IFT140: variants seen among roughly 807,000 people sequenced by gnomAD.
IFT140 encodes intraflagellar transport protein 140 homolog.
In IFT140, 133 loss-of-function variants were observed where a neutral mutation model predicts 164.6. The ratio of observed to expected loss-of-function variants is 0.81; its 90% CI spans 0.70 to 0.93. The LOEUF (loss-of-function observed/expected upper bound fraction) is 0.93. IFT140 is among the 40% of genes least tolerant of loss of function. The pLI, the probability that IFT140 is intolerant of heterozygous loss-of-function variation, is 0.00. For missense variants in IFT140, 2,045 were observed against 1,972.3 expected, an observed-to-expected ratio of 1.04 and a Z score of -0.70; for synonymous variants, 860 against 817.3, an observed-to-expected ratio of 1.05 and a Z score of -0.89.
At chr16:1,608,497 G>A (rs936894178) in intron 2 of IFT140, among the ~76,000 whole-genome samples, 9 of 152,064 alleles carry the variant, frequency 5.9e-5, no homozygotes, top group Non-Finnish European at 1.5e-5. Context: ...TCCAGGTGTG[G>A]TGGCAGGCAC....
At chr16:1,528,401 GCA>G (rs970149837) in intron 19 of IFT140, among the ~76,000 whole-genome samples, 8 of 146,468 alleles carry the variant, frequency 5.5e-5, no homozygotes, top group East Asian at 4.1e-4. Flanking sequence ...ACACACGGAT[GCA>G]CACACATGGA....
intron 18 of IFT140, among the ~76,000 whole-genome samples, chr16:1,561,684 G>A (rs1415010960): frequency 1.3e-5 from 2 of 152,210 alleles, no homozygotes; most frequent in Non-Finnish European, 2.9e-5. Context: ...AGGCAAGGGG[G>A]AAGGGTGCAG....
At chr16:1,555,681 T>A (rs896488211) in intron 19 of IFT140, 1 of 152,442 alleles carries the variant, frequency 6.6e-6, no homozygotes, top group Non-Finnish European at 1.5e-5. Flanking sequence ...AAAGACCTTT[T>A]CAGAGACCCC....
At chr16:1,519,726 C>T (rs2040462370) in intron 29 of IFT140, among the ~76,000 whole-genome samples, 155 bp downstream of exon 29, 1 of 152,180 alleles carries the variant, frequency 6.6e-6, no homozygotes, top group Non-Finnish European at 1.5e-5. Flanking sequence ...TGAGGGCTCC[C>T]AGGAGGAGGT....
At chr16:1,585,905 A>G (rs1316506965) in intron 10 of IFT140, among the ~76,000 whole-genome samples, 7 of 151,290 alleles carry the variant, frequency 4.6e-5, no homozygotes, top group Non-Finnish European at 1.0e-4. Context: ...TGAGTAGCTG[A>G]GGCTACAGGC....
chr16:1,539,775 G>A (rs2031451085), intron 19 of IFT140, among the ~76,000 whole-genome samples: 1 of 152,210 alleles, frequency 6.6e-6, no homozygotes, highest in Non-Finnish European at 1.5e-5. Flanking sequence ...CCTGTCTGCG[G>A]GCAGGCAGCG....
Position 1,562,055 on chromosome 16 carries a change from C to T in IFT140, c.2129G>A (p.Ser710Asn). The T allele has an allele frequency of 1.2e-6, 2 of 1,612,110 alleles. No individual in the cohort carries two copies. Among genetic ancestry groups the T allele is most frequent in the Non-Finnish European group, 8.5e-7 (1 of 1,179,166 alleles). The change falls in exon 18 of 31, where the codon AGC becomes AAC. Residue 710 changes from serine to asparagine, a missense_variant. Physicochemically the swap from Ser to Asn is conservative, Grantham distance 46. Transcript: ENST00000426508. ...SEEHGFLLHE[S>N]FPRPATSHSL... ...GTGGGAGGTGGCAGGCCGGGGGAAG[C>T]TCTCATGAAGCAGGAAGCCGTGCTC...
intron 14 of IFT140, among the ~76,000 whole-genome samples, chr16:1,569,722 C>T (rs553409197): frequency 1.1e-4 from 16 of 151,516 alleles, no homozygotes; most frequent in African/African-American, 3.6e-4. Context: ...ACCTGAGTAA[C>T]TGGTACTATA....
rs539745621 is a variant in IFT140 at position 1,551,224 on chromosome 16, C to T, written c.2399+6711G>A. The stretch of plus-strand genomic sequence containing the variant: ...CAAGTTCTGGCCCCGGGGAGCCTGC[C>T]CTGTGGCGGGGGAGAGCGGCCAGAG... On this transcript the variant is annotated intron_variant, in intron 19 of 30. Transcript: ENST00000426508. This position sits in a 1 kb window ranked among gnomAD's most constrained non-coding sequence, Gnocchi z 4.0. Among the ~76,000 whole-genome samples the T allele has an allele frequency of 6.6e-6, 1 of 152,348 alleles. No individual in the cohort carries two copies. Among genetic ancestry groups the T allele is most frequent in the Non-Finnish European group, 1.5e-5 (1 of 68,038 alleles).
intron 2 of IFT140, among the ~76,000 whole-genome samples, chr16:1,607,590 C>A (rs953739550): frequency 1.3e-5 from 2 of 152,234 alleles, no homozygotes; most frequent in Admixed American, 6.5e-5. Flanking sequence ...TAACTACACA[C>A]GCAATCCTCA....
chr16:1,602,918 C>T (rs1459461545), intron 3 of IFT140, among the ~76,000 whole-genome samples: 1 of 152,108 alleles, frequency 6.6e-6, no homozygotes, highest in Non-Finnish European at 1.5e-5. Context: ...CCAGCCTGGG[C>T]GACAGAGCAA....
chr16:1,607,187 T>G lies in IFT140; in HGVS notation c.80A>C (p.His27Pro), dbSNP rs534472623. The change falls in exon 3 of 31, where the codon CAT becomes CCT. Residue 27 changes from histidine to proline, a missense_variant. Physicochemically the swap from His to Pro is moderately conservative, Grantham distance 77. Coordinates refer to ENST00000426508, the MANE Select transcript of IFT140 (RefSeq NM_014714.4). ...SPSFISWHPV[H>P]PFLAVAYIST... ...GATGTAAGCAACTGCCAAGAATGGA[T>G]GGACAGGGTGCCAGCTGATAAATGA... 1 of 1,614,120 alleles carries G rather than the reference T, an allele frequency of 6.2e-7. No individual in the cohort carries two copies. Among genetic ancestry groups the G allele is most frequent in the African/African-American group, 1.3e-5 (1 of 75,026 alleles).
At position 1,523,851 on chromosome 16, in the gene IFT140, T is replaced by C; in HGVS notation, c.3247A>G (p.Arg1083Gly). The C allele has an allele frequency of 1.9e-6, 3 of 1,613,364 alleles. No homozygotes were observed. The highest frequency in any genetic ancestry group is 1.7e-6 in the Non-Finnish European group (2 of 1,179,988). ...YYEEKGVQMD[R>G]AVMLYHKAGH... ...ACCTTGTGGTACAGCATGACCGCCC[T>C]GTCCATCTGCACGCCCTTCTCCTCG... The change falls in exon 25 of 31, where the codon AGG becomes GGG. Residue 1083 changes from arginine to glycine, a missense_variant. By Grantham distance (125) the Arg-to-Gly change is moderately radical. Transcript: ENST00000426508.
intron 1 of IFT140, among the ~76,000 whole-genome samples, chr16:1,611,114 T>A (rs2036304521): frequency 6.6e-6 from 1 of 152,186 alleles, no homozygotes; most frequent in African/African-American, 2.4e-5. Flanking sequence ...GGAAAGTCGA[T>A]GCGCTCGGCA....
chr16:1,528,486 T>A (rs1173816648), intron 19 of IFT140, among the ~76,000 whole-genome samples: 2 of 149,172 alleles, frequency 1.3e-5, no homozygotes, highest in African/African-American at 5.0e-5. Context: ...CACAAGCACA[T>A]GCACTCACAT....
chr16:1,602,224 A>C lies in IFT140; in HGVS notation c.369+146T>G, dbSNP rs967356730. The C allele has an allele frequency of 5.4e-6, 4 of 746,520 alleles. No individual in the cohort carries two copies. The African/African-American group carries it at 7.0e-5, about 13-fold the overall frequency. The allele number at this position is 746,520 out of a possible 1,614,324, so 46.2% of individuals were successfully genotyped here. ...TGGCAAATTTTCAAGCCTTGCTTCC[A>C]ATATAAAACAAAATCTACAATTGCA... is the stretch of plus-strand genomic sequence containing the variant. On this transcript the variant is annotated intron_variant, in intron 4 of 30. Coordinates refer to ENST00000426508, the MANE Select transcript of IFT140 (RefSeq NM_014714.4).
In IFT140 at chr16:1,587,398, C is replaced by G. The variant is rs1379458803; in HGVS notation, c.903-94G>C. 5 of 767,330 alleles carry G rather than the reference C, an allele frequency of 6.5e-6. No homozygotes were observed. The African/African-American group carries it at 7.0e-5, about 11-fold the overall frequency. 47.5% of individuals were successfully genotyped at this position (767,330 alleles called of 1,614,324 possible). On this transcript the variant is annotated intron_variant, in intron 8 of 30. Coordinates refer to ENST00000426508, the MANE Select transcript of IFT140 (RefSeq NM_014714.4). ...AACCTGTGGAGCAAACATTAAAAGT[C>G]AGGAAAAAGACATAGTTCATCAGAC... is the stretch of plus-strand genomic sequence containing the variant.
rs146172074 is a variant in IFT140 at position 1,520,293 on chromosome 16, G to A, written c.3711C>T (p.Phe1237=). 6,759 of 1,614,166 alleles carry A rather than the reference G, an allele frequency of 4.2e-3. 12 individuals are homozygous for A. Among genetic ancestry groups the A allele is most frequent in the Non-Finnish European group, 5.1e-3 (6,072 of 1,180,038 alleles). Residue 1237 remains phenylalanine (F), a synonymous_variant, in exon 28 of 31, where the codon TTC becomes TTT. Transcript: ENST00000426508. The part of the protein sequence containing the change: ...KSGDTEKITF[F]ASVSRQKEIY... ...TTTCCTTCTGCCTGGACACGCTCGC[G>A]AAGAACGTGATTTTCTCCGTGTCTC...
chr16:1,580,088 T>C (rs576350905), intron 13 of IFT140: 22 of 151,910 alleles, frequency 1.4e-4, no homozygotes, highest in African/African-American at 5.1e-4. Flanking sequence ...GCCGTCAGGG[T>C]GCACGTTAAG....
Sources: gnomAD v4.1 joint callset for allele counts (sites outside exome capture counted in the v4.1 genomes callset) on GRCh38, gnomAD v4.1.1 for gene constraint, Gnocchi (gnomAD v3.1) non-coding constraint, MANE v1.5 for transcripts, NCBI Gene and HGNC (gene_info 2026-07-23, HGNC 2026-07-21) for gene names.